THRB: variants seen among roughly 807,000 people sequenced by gnomAD.
THRB encodes the protein thyroid hormone receptor beta.
Under a neutral mutation model 47.8 loss-of-function variants are expected in THRB, and 12 were observed. The observed-to-expected ratio is 0.25, with a 90% CI of 0.16 to 0.41. THRB has a LOEUF of 0.41. Ranked by LOEUF, THRB falls within the 10% of genes least tolerant of loss-of-function variation. THRB has a pLI of 1.00. For synonymous variants in THRB, 218 were observed against 212.2 expected, an observed-to-expected ratio of 1.03 and a Z score of -0.24; for missense variants, 348 against 589.2, an observed-to-expected ratio of 0.59 and a Z score of 4.24.
intron 1 of THRB, among the ~76,000 whole-genome samples, chr3:24,468,691 C>A (rs1199583592): frequency 6.6e-6 from 1 of 151,766 alleles, no homozygotes; most frequent in Non-Finnish European, 1.5e-5. Flanking sequence ...TTGTACTGCC[C>A]CAAAACAATG....
At chr3:24,307,154 T>G (rs2057404721) in intron 2 of THRB, among the ~76,000 whole-genome samples, 1 of 152,100 alleles carries the variant, frequency 6.6e-6, no homozygotes, top group East Asian at 1.9e-4. Context: ...CAAATTTTGA[T>G]ATCCTACACA....
intron 4 of THRB, among the ~76,000 whole-genome samples, chr3:24,214,003 A>G (rs2046318493): frequency 6.6e-6 from 1 of 152,230 alleles, no homozygotes; most frequent in African/African-American, 2.4e-5. Flanking sequence ...TACCTTCTAG[A>G]CATGATGCTA....
chr3:24,208,143 T>A (rs1412659694), intron 4 of THRB, among the ~76,000 whole-genome samples: 1 of 151,806 alleles, frequency 6.6e-6, no homozygotes. Flanking sequence ...TTACAAGGGA[T>A]GTGAAGGACC....
rs2031669544 is a variant in THRB, at chr3:24,121,449, T to C, written c.*1435A>G. On this transcript the variant is annotated 3_prime_UTR_variant, in exon 11 of 11. Coordinates refer to ENST00000646209, the MANE Select transcript of THRB (RefSeq NM_001354712.2). ...GCAAAGGAATAGTTTATATCTACTA[T>C]GCCAGTGGAGAATGAGATACATTCA... 1 of 152,680 alleles carries C rather than the reference T, an allele frequency of 6.5e-6. No individual in the cohort carries two copies. Among genetic ancestry groups the C allele is most frequent in the Non-Finnish European group, 1.5e-5 (1 of 68,056 alleles). The allele number at this position is 152,680 out of a possible 1,614,324, so 9.5% of individuals were successfully genotyped here. A position where few individuals can be genotyped will look rare whatever the true frequency, so the allele number is the denominator to read the frequency against.
chr3:24,202,850 C>G (rs1047898310), intron 4 of THRB, among the ~76,000 whole-genome samples: 1 of 152,180 alleles, frequency 6.6e-6, no homozygotes, highest in African/African-American at 2.4e-5. Context: ...TTCATAACAC[C>G]TTTGCTATCT....
At chr3:24,190,384 T>A in intron 4 of THRB, 50 bp from the exon 5 acceptor site, 2 of 1,612,708 alleles carry the variant, frequency 1.2e-6, no homozygotes. Flanking sequence ...TTGTCAAGAT[T>A]TTGCTGAGAT....
At chr3:24,281,182 A>G (rs2054554533) in intron 3 of THRB, among the ~76,000 whole-genome samples, 1 of 152,336 alleles carries the variant, frequency 6.6e-6, no homozygotes, top group East Asian at 1.9e-4. Flanking sequence ...AAGGGCAGCC[A>G]GAGACAAAGG....
intron 9 of THRB, among the ~76,000 whole-genome samples, chr3:24,129,648 G>A (rs1029445042): frequency 6.6e-5 from 10 of 152,166 alleles, no homozygotes; most frequent in Admixed American, 3.3e-4. Context: ...GTTTCAACAC[G>A]TGGGCAAATA....
intron 2 of THRB, among the ~76,000 whole-genome samples, chr3:24,309,240 T>C (rs539994311): frequency 1.3e-5 from 2 of 152,182 alleles, no homozygotes; most frequent in Non-Finnish European, 2.9e-5. Context: ...TCAGAAATGT[T>C]TTACATTGAT....
intron 4 of THRB, among the ~76,000 whole-genome samples, chr3:24,219,751 G>A (rs1189345044): frequency 6.6e-6 from 1 of 152,196 alleles, no homozygotes; most frequent in Non-Finnish European, 1.5e-5. Flanking sequence ...AAACTTCTGT[G>A]TGCATCAGAA....
At chr3:24,464,919 T>A (rs968469915) in intron 1 of THRB, among the ~76,000 whole-genome samples, 1 of 152,208 alleles carries the variant, frequency 6.6e-6, no homozygotes, top group Non-Finnish European at 1.5e-5. Flanking sequence ...TTAAGTTCTG[T>A]ATTTTTTTAA....
intron 2 of THRB, among the ~76,000 whole-genome samples, chr3:24,329,703 T>C (rs746440923): frequency 6.6e-6 from 1 of 152,246 alleles, no homozygotes; most frequent in African/African-American, 2.4e-5. Flanking sequence ...GTTCAAGTGC[T>C]AGAATAGACA....
At chr3:24,322,288 C>G (rs1291240489) in intron 2 of THRB, among the ~76,000 whole-genome samples, 2 of 152,126 alleles carry the variant, frequency 1.3e-5, no homozygotes, top group Non-Finnish European at 2.9e-5. Flanking sequence ...TTAAACTGTT[C>G]TATTCTTTCA....
intron 5 of THRB, among the ~76,000 whole-genome samples, chr3:24,167,817 A>G (rs1291159148): frequency 6.6e-6 from 1 of 152,130 alleles, no homozygotes; most frequent in African/African-American, 2.4e-5. Context: ...TTTTATTCCA[A>G]AGGAATACTT....
chr3:24,139,519 G>A (rs2035164844), intron 8 of THRB, among the ~76,000 whole-genome samples: 1 of 152,068 alleles, frequency 6.6e-6, no homozygotes, highest in Admixed American at 6.6e-5. Context: ...GAGTAGTGGG[G>A]AACCACAGGT....
At chr3:24,441,106 G>C (rs1409016334) in intron 1 of THRB, among the ~76,000 whole-genome samples, 2 of 152,136 alleles carry the variant, frequency 1.3e-5, no homozygotes, top group Non-Finnish European at 2.9e-5. Context: ...TTTGCTGGCT[G>C]GCTGCAAGCT....
chr3:24,344,289 G>A (rs192335019), intron 1 of THRB, among the ~76,000 whole-genome samples: 28 of 152,052 alleles, frequency 1.8e-4, no homozygotes, highest in Non-Finnish European at 3.5e-4. Flanking sequence ...GTGACTTTTG[G>A]GTTGGCATTT....
At chr3:24,341,326 G>A (rs1055527144) in intron 1 of THRB, among the ~76,000 whole-genome samples, 3 of 147,626 alleles carry the variant, frequency 2.0e-5, no homozygotes, top group Non-Finnish European at 4.4e-5. Context: ...CCACTTCCTG[G>A]CTCAAGCGAT....
At chr3:24,442,028 TG>T in intron 1 of THRB, among the ~76,000 whole-genome samples, 1 of 152,240 alleles carries the variant, frequency 6.6e-6, no homozygotes. Flanking sequence ...TGTAACTTTG[TG>T]GGCTAAATTT....
Sources: gnomAD v4.1 joint callset for allele counts (sites outside exome capture counted in the v4.1 genomes callset) on GRCh38, gnomAD v4.1.1 for gene constraint, MANE v1.5 for transcripts, NCBI Gene and HGNC (gene_info 2026-07-23, HGNC 2026-07-21) for gene names.